The following ZNF428 variants were observed in gnomAD, a reference collection of about 807,000 sequenced individuals.
ZNF428 encodes the protein zinc finger protein 428.
A neutral mutation model predicts 15.6 loss-of-function variants in ZNF428; 5 were observed. The observed-to-expected ratio is 0.32, with a 90% confidence interval of 0.17 to 0.67. The LOEUF is 0.67. ZNF428 is among the 30% of genes least tolerant of loss of function. ZNF428 has a pLI of 0.73. For missense variants in ZNF428, 237 were observed against 256.0 expected (o/e 0.93, Z 0.51); for synonymous variants, 97 against 102.2 (o/e 0.95, Z 0.31).
intron 2 of ZNF428, chr19:43,613,914 G>A (rs1038786208): frequency 3.9e-6 from 6 of 1,551,654 alleles, no homozygotes; most frequent in African/African-American, 1.4e-5. Flanking sequence ...CGATCTAGAA[G>A]CCCCAATAAG....
chr19:43,612,957 A>G lies in ZNF428; in HGVS notation c.76+1272T>C, dbSNP rs1334888261. ...CAGGCCAGCACCCGCAGCAGGCCGC[A>G]AAGTCACAGCCAATCTAGAAGCCCC... On this transcript the variant is annotated intron_variant, in intron 2 of 2. Transcript: ENST00000300811. The surrounding 1 kb of genome is among the most constrained non-coding windows in gnomAD (Gnocchi z 4.2). 1 of 1,551,686 alleles carries G rather than the reference A, an allele frequency of 6.4e-7. No individual in the cohort carries two copies. Among genetic ancestry groups the G allele is most frequent in the South Asian group, 1.2e-5 (1 of 84,064 alleles).
intron 1 of ZNF428, among the ~76,000 whole-genome samples, chr19:43,617,894 C>A (rs1162877737): frequency 2.6e-5 from 4 of 152,084 alleles, no homozygotes; most frequent in African/African-American, 7.2e-5. Flanking sequence ...CGGAGTGTCA[C>A]TCTGTCGCCC....
chr19:43,615,532 TAA>T (rs748528689), intron 1 of ZNF428, among the ~76,000 whole-genome samples: 20 of 137,510 alleles, frequency 1.5e-4, no homozygotes, highest in Admixed American at 2.2e-4. Flanking sequence ...AACTTGTCTC[TAA>T]AAAAAAAAAA....
At position 43,607,396 on chromosome 19, in the gene ZNF428, AACAC is replaced by A. The variant is rs954382245; in HGVS notation, c.*217_*220del. 151 of 528,916 alleles carry A rather than the reference AACAC, an allele frequency of 2.9e-4. No individual in the cohort carries two copies. The highest frequency in any genetic ancestry group is 6.6e-4 in the East Asian group (20 of 30,184). 32.8% of individuals were successfully genotyped at this position (528,916 alleles called of 1,614,324 possible). On this transcript the variant is annotated 3_prime_UTR_variant, in exon 3 of 3. Transcript: ENST00000300811. This position sits in a 1 kb window ranked among gnomAD's most constrained non-coding sequence, Gnocchi z 5.1. ...ATACACACACACACACACACACACA[AACAC>A]ACACACGGGCGGGAATACACACACA...
At chr19:43,618,598 G>A (rs1199221803) in intron 1 of ZNF428, among the ~76,000 whole-genome samples, 3 of 137,102 alleles carry the variant, frequency 2.2e-5, no homozygotes, top group Non-Finnish European at 4.6e-5. Context: ...TTGTAGAGAC[G>A]GGGGTCTCAC....
intron 1 of ZNF428, among the ~76,000 whole-genome samples, chr19:43,617,517 G>A (rs1973383382): frequency 6.6e-6 from 1 of 152,156 alleles, no homozygotes; most frequent in Non-Finnish European, 1.5e-5. Context: ...CATTGGCAGG[G>A]CAACTTCCTA....
chr19:43,618,299 C>G (rs1472802008), intron 1 of ZNF428, among the ~76,000 whole-genome samples: 1 of 151,876 alleles, frequency 6.6e-6, no homozygotes, highest in African/African-American at 2.4e-5. Context: ...TCCCAAAGTG[C>G]TGGGATTACA....
intron 1 of ZNF428, among the ~76,000 whole-genome samples, chr19:43,615,185 C>T (rs1229530501): frequency 6.6e-6 from 1 of 152,108 alleles, no homozygotes; most frequent in Non-Finnish European, 1.5e-5. Context: ...AATTCTGTGA[C>T]CAAATGTGTG....
intron 2 of ZNF428, among the ~76,000 whole-genome samples, chr19:43,609,323 GCATA>G (rs778765084): frequency 6.8e-6 from 1 of 147,612 alleles, no homozygotes; most frequent in Non-Finnish European, 1.5e-5. Flanking sequence ...TAAAACACAT[GCATA>G]CACACAGATG....
At chr19:43,617,509 T>C (rs887896575) in intron 1 of ZNF428, among the ~76,000 whole-genome samples, 5 of 152,172 alleles carry the variant, frequency 3.3e-5, no homozygotes, top group Non-Finnish European at 7.3e-5. Flanking sequence ...ATTGGCATCA[T>C]TGGCAGGGCA....
At position 43,612,834 on chromosome 19, in the gene ZNF428, C is replaced by T. The variant is rs751826524; in HGVS notation, c.76+1395G>A. The T allele has an allele frequency of 4.5e-6, 7 of 1,551,662 alleles. No individual in the cohort carries two copies. In the South Asian group the frequency reaches 7.1e-5, roughly 16 times the overall value. ...AAGAGTGACAACCCATCTCCATCCT[C>T]ATCAAGGAAGGTGAAGAGCTACGGT... On this transcript the variant is annotated intron_variant, in intron 2 of 2. Transcript: ENST00000300811. This position sits in a 1 kb window ranked among gnomAD's most constrained non-coding sequence, Gnocchi z 4.2.
intron 1 of ZNF428, among the ~76,000 whole-genome samples, chr19:43,618,566 CTTTTTTTTTTTT>C (rs551668437): frequency 1.0e-5 from 1 of 98,352 alleles, no homozygotes; most frequent in Admixed American, 1.2e-4. Flanking sequence ...TTAATTTTTA[CTTTTTTTTTTTT>C]TTTTTTTTTT....
chr19:43,610,793 G>C (rs948905112), intron 2 of ZNF428, among the ~76,000 whole-genome samples: 9 of 151,900 alleles, frequency 5.9e-5, no homozygotes, highest in African/African-American at 1.9e-4. Context: ...TTCCTCTTTG[G>C]TGAGGCCGTC....
chr19:43,613,922 AAGC>A, intron 2 of ZNF428: 4 of 1,551,704 alleles, frequency 2.6e-6, no homozygotes, highest in Non-Finnish European at 3.5e-6. Flanking sequence ...AAGCCCCAAT[AAGC>A]AGAGTGGTTA....
At position 43,612,479 on chromosome 19, in the gene ZNF428, C is replaced by G. The variant is rs763625034; in HGVS notation, c.76+1750G>C. 1.9e-6 allele frequency: 3 copies of G among 1,545,588 alleles called. No individual in the cohort carries two copies. In the African/African-American group the frequency reaches 4.1e-5, roughly 21 times the overall value. On this transcript the variant is annotated intron_variant, in intron 2 of 2. Transcript: ENST00000300811. The surrounding 1 kb of genome is among the most constrained non-coding windows in gnomAD (Gnocchi z 4.2). ...CCACCAGCGGAGGGGCACACACAGCCGGGGTAGGACACCTGGCAGAAGGGG... is the reference window on the plus strand; with the variant it reads ...CCACCAGCGGAGGGGCACACACAGCGGGGGTAGGACACCTGGCAGAAGGGG...
At chr19:43,616,338 A>C (rs544306263) in intron 1 of ZNF428, among the ~76,000 whole-genome samples, 1 of 151,778 alleles carries the variant, frequency 6.6e-6, no homozygotes, top group Non-Finnish European at 1.5e-5. Context: ...AATTGGCAAG[A>C]TAGTGTCTAG....
chr19:43,617,505 A>G (rs1973383211), intron 1 of ZNF428, among the ~76,000 whole-genome samples: 1 of 152,220 alleles, frequency 6.6e-6, no homozygotes, highest in African/African-American at 2.4e-5. Flanking sequence ...GACCATTGGC[A>G]TCATTGGCAG....
chr19:43,612,279 G>T lies in ZNF428; in HGVS notation c.76+1950C>A. The T allele has an allele frequency of 6.4e-7, 1 of 1,551,612 alleles. No individual in the cohort carries two copies. The highest frequency in any genetic ancestry group is 8.7e-7 in the Non-Finnish European group (1 of 1,146,982). On this transcript the variant is annotated intron_variant, in intron 2 of 2. Coordinates refer to ENST00000300811, the MANE Select transcript of ZNF428 (RefSeq NM_182498.4). The surrounding 1 kb of genome is among the most constrained non-coding windows in gnomAD (Gnocchi z 4.2). ...GTGCCCACCAAACCAGCGACATCCC[G>T]TAACTCAGTCATGAGCCCAAGCAGT... is the stretch of plus-strand genomic sequence containing the variant.
chr19:43,618,850 T>C (rs903528154), intron 1 of ZNF428, among the ~76,000 whole-genome samples: 10 of 152,110 alleles, frequency 6.6e-5, no homozygotes, highest in African/African-American at 2.4e-4. Context: ...AATCAAGACA[T>C]TCCCTGAAGT....
Sources: gnomAD v4.1 joint callset for allele counts (sites outside exome capture counted in the v4.1 genomes callset) on GRCh38, gnomAD v4.1.1 for gene constraint, Gnocchi (gnomAD v3.1) non-coding constraint, MANE v1.5 for transcripts, NCBI Gene and HGNC (gene_info 2026-07-23, HGNC 2026-07-21) for gene names.